Variants in MAPK4 observed in about 807,000 individuals in gnomAD.
The protein encoded by MAPK4 is Erk3-related.
A neutral mutation model predicts 47.7 loss-of-function variants in MAPK4; 22 were observed. The observed-to-expected ratio is 0.46, with a 90% confidence interval of 0.33 to 0.66. MAPK4 has a LOEUF of 0.66. MAPK4 is among the 30% of genes least tolerant of loss of function. The pLI is 0.02. For missense variants in MAPK4, 736 were observed against 831.7 expected, an observed-to-expected ratio of 0.88 and a Z score of 1.42; for synonymous variants, 390 against 365.7, an observed-to-expected ratio of 1.07 and a Z score of -0.76.
At chr18:50,659,447 G>C (rs2043145524) in intron 1 of MAPK4, among the ~76,000 whole-genome samples, 1 of 152,238 alleles carries the variant, frequency 6.6e-6, no homozygotes, top group South Asian at 2.1e-4. Context: ...GGGAGGATCT[G>C]AGCAGATGGG....
At chr18:50,695,121 A>G (rs6417111) in intron 2 of MAPK4, among the ~76,000 whole-genome samples, 147,140 of 151,974 alleles carry the variant, frequency 0.97, 71,390 homozygotes, top group East Asian at 1. Flanking sequence ...CGAAGTGGGC[A>G]GATCACTTGA....
chr18:50,685,855 G>T (rs1298556471), intron 2 of MAPK4, among the ~76,000 whole-genome samples: 1 of 152,156 alleles, frequency 6.6e-6, no homozygotes, highest in East Asian at 1.9e-4. Context: ...GCTCTCTGGA[G>T]CATGCTGTTT....
chr18:50,601,786 A>G (rs1231734920), intron 1 of MAPK4, among the ~76,000 whole-genome samples: 3 of 152,118 alleles, frequency 2.0e-5, no homozygotes, highest in Admixed American at 6.5e-5. Context: ...ACCATTTCCT[A>G]TCTTTTTCTT....
rs1252173637 is a variant in MAPK4 at position 50,708,413 on chromosome 18, G to C, written c.547-6666G>C. ...GAAATCTGCCTGGCCTGTAAGTAAA[G>C]CAAATCATAATTTCTTAGGGCAGGC... On this transcript the variant is annotated intron_variant, in intron 2 of 5. Transcript: ENST00000400384. Among the ~76,000 whole-genome samples the C allele has an allele frequency of 2.0e-5, 3 of 152,304 alleles. No homozygotes were observed. In the East Asian group the frequency reaches 5.8e-4, roughly 29 times the overall value.
At chr18:50,603,082 C>T (rs890323653) in intron 1 of MAPK4, among the ~76,000 whole-genome samples, 2 of 152,116 alleles carry the variant, frequency 1.3e-5, no homozygotes, top group African/African-American at 4.8e-5. Flanking sequence ...GCTGCATCAC[C>T]CTCCACTAAT....
At chr18:50,631,323 G>A (rs899284954) in intron 1 of MAPK4, among the ~76,000 whole-genome samples, 1 of 152,100 alleles carries the variant, frequency 6.6e-6, no homozygotes, top group African/African-American at 2.4e-5. Flanking sequence ...GAGAAGATGT[G>A]TGTGTTAGAT....
chr18:50,692,586 T>A (rs1347461595), intron 2 of MAPK4, among the ~76,000 whole-genome samples: 1 of 152,060 alleles, frequency 6.6e-6, no homozygotes, highest in Non-Finnish European at 1.5e-5. Flanking sequence ...AAGGACTAAA[T>A]GAGATAAAGA....
intron 1 of MAPK4, among the ~76,000 whole-genome samples, chr18:50,652,436 G>T (rs1276114564): frequency 1.3e-5 from 2 of 152,152 alleles, no homozygotes; most frequent in African/African-American, 4.8e-5. Context: ...TAAGAGGCAG[G>T]CTGGGCTGGG....
intron 1 of MAPK4, among the ~76,000 whole-genome samples, chr18:50,609,330 G>A (rs1467673453): frequency 2.0e-5 from 3 of 151,264 alleles, no homozygotes; most frequent in African/African-American, 4.8e-5. Flanking sequence ...CGGGCGGGGC[G>A]GCGGCCGGGC....
chr18:50,642,294 A>G (rs2042947607), intron 1 of MAPK4, among the ~76,000 whole-genome samples: 1 of 152,220 alleles, frequency 6.6e-6, no homozygotes, highest in Non-Finnish European at 1.5e-5. Flanking sequence ...GAAGATTGGG[A>G]AGTCCAGCCC....
chr18:50,719,183 C>A (rs558293258), intron 3 of MAPK4, among the ~76,000 whole-genome samples: 3 of 151,740 alleles, frequency 2.0e-5, no homozygotes, highest in Non-Finnish European at 4.4e-5. Flanking sequence ...TGAGTACAAA[C>A]GTCTTCATTT....
chr18:50,561,538 G>T (rs1019111871), intron 1 of MAPK4, among the ~76,000 whole-genome samples: 4 of 152,206 alleles, frequency 2.6e-5, no homozygotes, highest in Non-Finnish European at 1.5e-5. Context: ...TGACCTTATT[G>T]TAATATGTAT....
intron 1 of MAPK4, among the ~76,000 whole-genome samples, chr18:50,641,222 C>T (rs948812090): frequency 1.3e-5 from 2 of 152,124 alleles, no homozygotes; most frequent in Non-Finnish European, 2.9e-5. Context: ...AAAAAGAGGG[C>T]TGGACGATTA....
intron 2 of MAPK4, among the ~76,000 whole-genome samples, chr18:50,698,470 A>T (rs1360717453): frequency 6.6e-6 from 1 of 152,228 alleles, no homozygotes; most frequent in Non-Finnish European, 1.5e-5. Flanking sequence ...AAAGAAAGAA[A>T]ACACCTAAAT....
chr18:50,650,065 A>T (rs1164480110), intron 1 of MAPK4, among the ~76,000 whole-genome samples: 1 of 152,250 alleles, frequency 6.6e-6, no homozygotes, highest in Non-Finnish European at 1.5e-5. Context: ...AGTGCCTGGA[A>T]GAACTGTAGA....
At chr18:50,581,616 G>T (rs73430663) in intron 1 of MAPK4, among the ~76,000 whole-genome samples, 6,322 of 152,272 alleles carry the variant, frequency 0.042, 457 homozygotes, top group African/African-American at 0.14. Flanking sequence ...AATAATTTTT[G>T]AACATATTTT....
chr18:50,672,560 C>T lies in MAPK4; in HGVS notation c.546+8056C>T, dbSNP rs533279184. ...GAGGATCCCGAGAAGAGGCTCTTCCCTCTGTCCCTGGGTCTCTGGGGTCCT... is the reference window on the plus strand; with the variant it reads ...GAGGATCCCGAGAAGAGGCTCTTCCTTCTGTCCCTGGGTCTCTGGGGTCCT... On this transcript the variant is annotated intron_variant, in intron 2 of 5. Transcript: ENST00000400384. 6.7e-3 allele frequency among the ~76,000 whole-genome samples: 1,027 copies of T among 152,206 alleles called. 15 individuals carry two copies. Among genetic ancestry groups the T allele is most frequent in the African/African-American group, 0.024 (993 of 41,540 alleles).
intron 1 of MAPK4, among the ~76,000 whole-genome samples, chr18:50,600,830 C>T (rs555429470): frequency 2.0e-5 from 3 of 151,554 alleles, no homozygotes; most frequent in South Asian, 2.1e-4. Flanking sequence ...ATCACTAGTT[C>T]ACTTTGATTG....
At chr18:50,682,387 A>G (rs1908636731) in intron 2 of MAPK4, among the ~76,000 whole-genome samples, 1 of 152,202 alleles carries the variant, frequency 6.6e-6, no homozygotes, top group South Asian at 2.1e-4. Flanking sequence ...GAAATAAATA[A>G]TATCAATTCT....
Sources: allele counts gnomAD v4.1 joint callset (sites outside exome capture counted in the v4.1 genomes callset), GRCh38; gene constraint gnomAD v4.1.1; transcripts MANE v1.5; gene names NCBI Gene and HGNC (gene_info 2026-07-23, HGNC 2026-07-21).